The following ADGRL3 variants were observed in gnomAD, a reference collection of about 807,000 sequenced individuals.
ADGRL3 encodes calcium-independent alpha-latrotoxin receptor 3.
A neutral mutation model predicts 153.5 loss-of-function variants in ADGRL3; 62 were observed. The observed-to-expected ratio is 0.40, with a 90% confidence interval of 0.33 to 0.50. ADGRL3 has a LOEUF of 0.50. Among genes scored for constraint, ADGRL3 ranks in the 20% least tolerant of loss-of-function variants. ADGRL3 has a pLI of 0.47. For missense variants in ADGRL3, 1,641 were observed against 1,859.4 expected, an observed-to-expected ratio of 0.88 and a Z score of 2.16; for synonymous variants, 710 against 672.5, an observed-to-expected ratio of 1.06 and a Z score of -0.86.
intron 2 of ADGRL3, among the ~76,000 whole-genome samples, chr4:61,460,913 T>C (rs1242920779): frequency 1.3e-5 from 2 of 151,750 alleles, no homozygotes; most frequent in African/African-American, 4.8e-5. Context: ...CTACTAAAAA[T>C]ACAAAAATTA....
chr4:61,874,799 T>C, intron 9 of ADGRL3, among the ~76,000 whole-genome samples: 1 of 120,758 alleles, frequency 8.3e-6, no homozygotes, highest in South Asian at 3.0e-4. Context: ...CTTTTTTTTT[T>C]TTTTTTTTTT....
chr4:61,650,088 C>T (rs1054858439), intron 5 of ADGRL3, among the ~76,000 whole-genome samples: 5 of 151,900 alleles, frequency 3.3e-5, no homozygotes, highest in South Asian at 2.1e-4. Context: ...GGGAAAGTGG[C>T]GGAACATTTT....
chr4:61,913,333 C>A (rs1336870229), intron 13 of ADGRL3, among the ~76,000 whole-genome samples: 2 of 151,978 alleles, frequency 1.3e-5, no homozygotes, highest in African/African-American at 4.8e-5. Context: ...ATAAACCATA[C>A]CTATGTTTAT....
At chr4:61,223,806 A>G (rs2149065249) in intron 1 of ADGRL3, among the ~76,000 whole-genome samples, 1 of 152,330 alleles carries the variant, frequency 6.6e-6, no homozygotes, top group South Asian at 2.1e-4. Context: ...TCAGCTTCTA[A>G]GAGCAAAATT....
chr4:61,554,407 G>A (rs1401669799), intron 4 of ADGRL3, among the ~76,000 whole-genome samples: 1 of 151,888 alleles, frequency 6.6e-6, no homozygotes. Context: ...TGTTGGTCAG[G>A]CTGGTCTCAA....
chr4:61,954,639 C>G (rs1037242870), intron 17 of ADGRL3, among the ~76,000 whole-genome samples: 54 of 152,036 alleles, frequency 3.6e-4, no homozygotes, highest in Non-Finnish European at 1.0e-4. Context: ...CTCACCTGCT[C>G]TAGCCACTGG....
At chr4:61,724,624 A>G (rs527706809) in intron 6 of ADGRL3, among the ~76,000 whole-genome samples, 1 of 152,310 alleles carries the variant, frequency 6.6e-6, no homozygotes, top group South Asian at 2.1e-4. Context: ...CATGGGTATT[A>G]TTTGAAAAAC....
At chr4:61,349,881 A>G (rs1479803712) in intron 1 of ADGRL3, among the ~76,000 whole-genome samples, 2 of 152,174 alleles carry the variant, frequency 1.3e-5, no homozygotes, top group African/African-American at 2.4e-5. Context: ...TATTTCATGG[A>G]TGGCATTTCC....
intron 6 of ADGRL3, among the ~76,000 whole-genome samples, chr4:61,728,984 G>T (rs1305691220): frequency 2.0e-5 from 3 of 151,864 alleles, no homozygotes. Context: ...GATTGAGGAT[G>T]ATGATAAATA....
At chr4:61,582,733 C>T (rs530081143) in intron 4 of ADGRL3, among the ~76,000 whole-genome samples, 15 of 151,840 alleles carry the variant, frequency 9.9e-5, no homozygotes, top group South Asian at 2.1e-4. Context: ...TAATTATTTA[C>T]GTTCCCTTCC....
At chr4:61,989,104 T>C (rs1167461784) in intron 19 of ADGRL3, among the ~76,000 whole-genome samples, 1 of 152,044 alleles carries the variant, frequency 6.6e-6, no homozygotes, top group Non-Finnish European at 1.5e-5. Flanking sequence ...AGCATAATCA[T>C]GTAGGTAGAA....
intron 8 of ADGRL3, among the ~76,000 whole-genome samples, chr4:61,786,922 A>T (rs1434920742): frequency 6.6e-6 from 1 of 152,172 alleles, no homozygotes; most frequent in Non-Finnish European, 1.5e-5. Flanking sequence ...TACTTACGAG[A>T]TCCTTCAGTA....
rs187445880 is a variant in ADGRL3, at chr4:61,254,205, C to T, written c.-240+52440C>T. ...TAAGTCAAGGTGAAAAAGCATTCAC[C>T]GTACAGTCCCCAATTCACTTCCATC... On this transcript the variant is annotated intron_variant, in intron 1 of 26. Transcript: ENST00000683033. Among the ~76,000 whole-genome samples the T allele has an allele frequency of 5.3e-5, 8 of 152,184 alleles. No individual in the cohort carries two copies. The East Asian group carries it at 9.7e-4, about 18-fold the overall frequency.
intron 2 of ADGRL3, among the ~76,000 whole-genome samples, chr4:61,425,976 G>A (rs2097274865): frequency 6.6e-6 from 1 of 152,200 alleles, no homozygotes; most frequent in South Asian, 2.1e-4. Flanking sequence ...CATCCTTGGT[G>A]TCTGTATCTG....
intron 1 of ADGRL3, among the ~76,000 whole-genome samples, chr4:61,381,420 C>A (rs1283628679): frequency 6.6e-6 from 1 of 151,098 alleles, no homozygotes; most frequent in Non-Finnish European, 1.5e-5. Flanking sequence ...AGGGGTGATA[C>A]AGATTGAAGA....
intron 1 of ADGRL3, among the ~76,000 whole-genome samples, chr4:61,273,675 T>A (rs1284652236): frequency 2.6e-5 from 4 of 152,130 alleles, no homozygotes; most frequent in Admixed American, 1.3e-4. Context: ...GATGTAAGAG[T>A]GGCTTCAGAT....
chr4:61,443,319 C>G (rs2097546994), intron 2 of ADGRL3, among the ~76,000 whole-genome samples: 1 of 152,028 alleles, frequency 6.6e-6, no homozygotes, highest in African/African-American at 2.4e-5. Flanking sequence ...TATTTCAGTG[C>G]TGTTTATTTA....
chr4:61,636,723 G>T (rs1051621166), intron 5 of ADGRL3, among the ~76,000 whole-genome samples: 2 of 151,108 alleles, frequency 1.3e-5, no homozygotes, highest in Non-Finnish European at 3.0e-5. Context: ...ATATAAATAG[G>T]AATATAATAT....
intron 24 of ADGRL3, among the ~76,000 whole-genome samples, chr4:62,041,268 TA>T (rs1215637964): frequency 1.2e-4 from 18 of 152,096 alleles, no homozygotes; most frequent in African/African-American, 4.3e-4. Context: ...TAATCACTTA[TA>T]AAAGTTTTAT....
Sources: allele counts gnomAD v4.1 joint callset (sites outside exome capture counted in the v4.1 genomes callset), GRCh38; gene constraint gnomAD v4.1.1; transcripts MANE v1.5; gene names NCBI Gene and HGNC (gene_info 2026-07-23, HGNC 2026-07-21).